Variants in SPAG16 observed in about 807,000 individuals in gnomAD.
SPAG16 encodes sperm-associated antigen 16 protein.
In SPAG16, 86 loss-of-function variants were observed where a neutral mutation model predicts 80.4. That is an observed-to-expected ratio of 1.07 (90% CI 0.90 to 1.28). SPAG16 has a LOEUF of 1.28. Among genes scored for constraint, SPAG16 ranks in the 50% most tolerant of loss-of-function variants. The probability of loss-of-function intolerance (pLI) is 0.00; values close to 1 mark genes in which losing one functional copy is unlikely to be tolerated. For missense variants in SPAG16, 870 were observed against 765.3 expected (o/e 1.14, Z -1.61); for synonymous variants, 294 against 265.9 (o/e 1.11, Z -1.03).
At chr2:213,643,451 C>T (rs2062700781) in intron 10 of SPAG16, among the ~76,000 whole-genome samples, 1 of 121,780 alleles carries the variant, frequency 8.2e-6, no homozygotes, top group Non-Finnish European at 1.7e-5. Flanking sequence ...CTTTATCTTT[C>T]ATCTTTGGGA....
At chr2:214,099,790 A>G (rs1439419409) in intron 13 of SPAG16, among the ~76,000 whole-genome samples, 2 of 152,084 alleles carry the variant, frequency 1.3e-5, no homozygotes, top group African/African-American at 4.8e-5. Context: ...TAAAAATTGT[A>G]GGGATGTTTT....
chr2:213,711,929 A>G (rs1378843577), intron 10 of SPAG16, among the ~76,000 whole-genome samples: 1 of 152,202 alleles, frequency 6.6e-6, no homozygotes, highest in Non-Finnish European at 1.5e-5. Flanking sequence ...TTAGTTAAGT[A>G]TGTTAAATAT....
At chr2:214,059,222 G>GTATATATATATATATATATATATATA (rs34244219) in intron 13 of SPAG16, among the ~76,000 whole-genome samples, 6 of 121,462 alleles carry the variant, frequency 4.9e-5, no homozygotes, top group African/African-American at 2.0e-4. Context: ...ATATGTATGT[G>GTATATATATATATATATATATATATA]TATATATATA....
chr2:213,994,433 T>A (rs2046422242), intron 12 of SPAG16, among the ~76,000 whole-genome samples: 1 of 152,176 alleles, frequency 6.6e-6, no homozygotes. Context: ...AAATCTGCCA[T>A]GTTATATCAT....
At chr2:213,405,615 C>T (rs943443936) in intron 9 of SPAG16, among the ~76,000 whole-genome samples, 3 of 152,182 alleles carry the variant, frequency 2.0e-5, no homozygotes, top group Non-Finnish European at 2.9e-5. Context: ...TAACCAACCT[C>T]TCTGCCTTTT....
intron 15 of SPAG16, among the ~76,000 whole-genome samples, chr2:214,303,679 G>A (rs901452178): frequency 4.6e-5 from 7 of 152,080 alleles, no homozygotes; most frequent in Admixed American, 2.0e-4. Flanking sequence ...AGCAAGATCC[G>A]ATAAATTTTC....
chr2:214,258,471 G>GTATATATA (rs146532641), intron 15 of SPAG16, among the ~76,000 whole-genome samples: 21,643 of 141,044 alleles, frequency 0.15, 1,886 homozygotes, highest in East Asian at 0.27. Flanking sequence ...ATGTGTGTGT[G>GTATATATA]TATATATATA....
At chr2:213,542,059 T>C (rs1488436232) in intron 10 of SPAG16, among the ~76,000 whole-genome samples, 1 of 152,234 alleles carries the variant, frequency 6.6e-6, no homozygotes, top group Non-Finnish European at 1.5e-5. Flanking sequence ...ACCTGAGCTA[T>C]ACTTGATGTA....
At chr2:213,732,335 C>G (rs1021540002) in intron 10 of SPAG16, among the ~76,000 whole-genome samples, 1 of 71,876 alleles carries the variant, frequency 1.4e-5, no homozygotes, top group Non-Finnish European at 3.3e-5. Flanking sequence ...CGATTGCCCC[C>G]CCCGCAAAAA....
rs1559337965 is a variant in SPAG16 at position 213,643,394 on chromosome 2, ATATATATATATATATATT to A, written c.1070+153306_1070+153323del. ...TATATATATATATATATATATATATATATATATATATATATATTTTATCTCTTGCTGCTGTTATGATCC... is the reference window on the plus strand; with the variant it reads ...TATATATATATATATATATATATATATTATCTCTTGCTGCTGTTATGATCC... On this transcript the variant is annotated intron_variant, in intron 10 of 15. Coordinates refer to ENST00000331683, the MANE Select transcript of SPAG16 (RefSeq NM_024532.5). Among the ~76,000 whole-genome samples the A allele has an allele frequency of 3.9e-3, 210 of 54,142 alleles. 7 individuals are homozygous for A. Among genetic ancestry groups the A allele is most frequent in the Middle Eastern group, 9.1e-3 (1 of 110 alleles). The allele number at this position is 54,142 out of a possible 152,430, so 35.5% of individuals were successfully genotyped here.
At chr2:213,707,396 C>T (rs751533964) in intron 10 of SPAG16, among the ~76,000 whole-genome samples, 14 of 152,156 alleles carry the variant, frequency 9.2e-5, no homozygotes, top group African/African-American at 3.4e-4. Context: ...CACTGTTACT[C>T]ACTCTTCATG....
intron 10 of SPAG16, among the ~76,000 whole-genome samples, chr2:213,551,541 T>G (rs2076779907): frequency 6.6e-6 from 1 of 152,220 alleles, no homozygotes; most frequent in Non-Finnish European, 1.5e-5. Context: ...GGGACACTTC[T>G]GTCATCTCAT....
At chr2:214,291,585 G>A (rs1039609960) in intron 15 of SPAG16, among the ~76,000 whole-genome samples, 6 of 152,164 alleles carry the variant, frequency 3.9e-5, no homozygotes, top group Non-Finnish European at 5.9e-5. Flanking sequence ...GATTACAGGC[G>A]TGAGCCACCG....
At chr2:214,137,419 T>C (rs2055119586) in intron 14 of SPAG16, among the ~76,000 whole-genome samples, 2 of 152,146 alleles carry the variant, frequency 1.3e-5, no homozygotes, top group Admixed American at 1.3e-4. Context: ...TGTTATAGTT[T>C]TATATATTTG....
chr2:213,558,973 C>T (rs1417589739), intron 10 of SPAG16, among the ~76,000 whole-genome samples: 1 of 151,976 alleles, frequency 6.6e-6, no homozygotes, highest in African/African-American at 2.4e-5. Context: ...CTTTATAAAG[C>T]ACATAATCAT....
intron 15 of SPAG16, among the ~76,000 whole-genome samples, chr2:214,179,203 TG>T (rs1265618265): frequency 6.6e-6 from 1 of 151,448 alleles, no homozygotes; most frequent in Non-Finnish European, 1.5e-5. Flanking sequence ...GCTGGACCTG[TG>T]ATCTAAAAGA....
At chr2:213,621,590 A>C (rs2061788153) in intron 10 of SPAG16, among the ~76,000 whole-genome samples, 2 of 152,194 alleles carry the variant, frequency 1.3e-5, no homozygotes, top group Admixed American at 1.3e-4. Flanking sequence ...ATGTACCTGG[A>C]GACAGATATT....
intron 7 of SPAG16, among the ~76,000 whole-genome samples, chr2:213,362,956 A>G (rs2066069626): frequency 6.6e-6 from 1 of 152,190 alleles, no homozygotes; most frequent in African/African-American, 2.4e-5. Context: ...TTTGGAGAGG[A>G]CAAATATCCA....
At chr2:214,355,824 C>T (rs1171041830) in intron 15 of SPAG16, among the ~76,000 whole-genome samples, 19 of 151,206 alleles carry the variant, frequency 1.3e-4, no homozygotes, top group Non-Finnish European at 2.7e-4. Flanking sequence ...ACATATACAC[C>T]ATGGAATACT....
Sources: gnomAD v4.1 joint callset for allele counts (sites outside exome capture counted in the v4.1 genomes callset) on GRCh38, gnomAD v4.1.1 for gene constraint, MANE v1.5 for transcripts, NCBI Gene and HGNC (gene_info 2026-07-23, HGNC 2026-07-21) for gene names.